The following FOCAD variants were observed in gnomAD, a reference collection of about 807,000 sequenced individuals.
FOCAD encodes KIAA1797.
In FOCAD, 198 loss-of-function variants were observed where a neutral mutation model predicts 225.6. The ratio of observed to expected loss-of-function variants is 0.88; its 90% CI spans 0.78 to 0.99. FOCAD has a LOEUF of 0.99. FOCAD is among the 50% of genes least tolerant of loss of function. FOCAD has a pLI of 0.00. For synonymous variants in FOCAD, 897 were observed against 755.0 expected (o/e 1.19, Z -3.08); for missense variants, 2,713 against 2,123.6 (o/e 1.28, Z -5.46).
At chr9:20,785,166 C>T (rs960959159) in intron 10 of FOCAD, among the ~76,000 whole-genome samples, 2 of 152,138 alleles carry the variant, frequency 1.3e-5, no homozygotes, top group African/African-American at 4.8e-5. Flanking sequence ...TAAGAGTTAA[C>T]TGAGGCATAA....
At chr9:20,736,933 CATA>C (rs1827200604) in intron 4 of FOCAD, among the ~76,000 whole-genome samples, 1 of 151,490 alleles carries the variant, frequency 6.6e-6, no homozygotes, top group South Asian at 2.1e-4. Flanking sequence ...ATTTATTAAA[CATA>C]ATATTTATTA....
At chr9:20,778,638 G>A (rs1320172255) in intron 8 of FOCAD, 43 bp from the exon 9 acceptor site, 2 of 1,067,458 alleles carry the variant, frequency 1.9e-6, no homozygotes, top group Admixed American at 3.5e-5. Flanking sequence ...CATGATTCTG[G>A]GAACTTCTTT....
chr9:20,760,169 G>T (rs1415373844), intron 6 of FOCAD, among the ~76,000 whole-genome samples: 2 of 152,196 alleles, frequency 1.3e-5, no homozygotes, highest in Non-Finnish European at 2.9e-5. Flanking sequence ...AGATCTTACA[G>T]TATCATTCCC....
At chr9:20,970,377 T>C (rs1839663081) in intron 35 of FOCAD, among the ~76,000 whole-genome samples, 1 of 152,124 alleles carries the variant, frequency 6.6e-6, no homozygotes, top group South Asian at 2.1e-4. Flanking sequence ...ACTTTTCGTC[T>C]TTCTTTTTTC....
chr9:20,732,646 G>T (rs1226699219), intron 4 of FOCAD, among the ~76,000 whole-genome samples: 1 of 152,182 alleles, frequency 6.6e-6, no homozygotes, highest in Non-Finnish European at 1.5e-5. Flanking sequence ...TTGGAATGCA[G>T]TATGAAGATT....
chr9:20,811,156 T>C (rs1186558027), intron 11 of FOCAD, among the ~76,000 whole-genome samples: 1 of 152,098 alleles, frequency 6.6e-6, no homozygotes, highest in Non-Finnish European at 1.5e-5. Flanking sequence ...TTAGACATAA[T>C]TTATACTCTA....
At chr9:20,839,422 C>G (rs1411589829) in intron 15 of FOCAD, among the ~76,000 whole-genome samples, 1 of 151,728 alleles carries the variant, frequency 6.6e-6, no homozygotes, top group African/African-American at 2.4e-5. Flanking sequence ...CCGTGCCTGA[C>G]TAATTGTTTT....
At chr9:20,692,250 T>A (rs185142652) in intron 1 of FOCAD, among the ~76,000 whole-genome samples, 45 of 152,258 alleles carry the variant, frequency 3.0e-4, no homozygotes, top group African/African-American at 1.1e-3. Context: ...TAACAGAAAC[T>A]CCATCCTTTT....
rs559628876 is a variant in FOCAD at position 20,670,702 on chromosome 9, C to T, written c.-78+11876C>T. On this transcript the variant is annotated intron_variant, in intron 2 of 45. Transcript: ENST00000380249. ...GGGGTGGGGTGGCCAGGGGACACAG[C>T]GCCAAACCATATCATCTGTATTTTA... Among the ~76,000 whole-genome samples, 121 of 152,152 alleles carry T rather than the reference C, an allele frequency of 8.0e-4. 1 individual carries two copies. The highest frequency in any genetic ancestry group is 1.4e-3 in the Non-Finnish European group (98 of 67,996).
intron 1 of FOCAD, among the ~76,000 whole-genome samples, chr9:20,708,243 T>C (rs991100030): frequency 6.6e-6 from 1 of 152,220 alleles, no homozygotes; most frequent in African/African-American, 2.4e-5. Context: ...AATATTTGTT[T>C]AAAAGTATGG....
chr9:20,888,224 C>T (rs1254434760), intron 21 of FOCAD, among the ~76,000 whole-genome samples: 1 of 150,022 alleles, frequency 6.7e-6, no homozygotes, highest in Non-Finnish European at 1.5e-5. Flanking sequence ...CTACAACCTC[C>T]GCCTCCTGGG....
intron 15 of FOCAD, among the ~76,000 whole-genome samples, chr9:20,833,212 C>A (rs1257013391): frequency 6.6e-6 from 1 of 151,862 alleles, no homozygotes; most frequent in Admixed American, 6.6e-5. Context: ...GAGGTGATAT[C>A]TCATAGTGGT....
chr9:20,994,886 C>T (rs1174707310), intron 43 of FOCAD, among the ~76,000 whole-genome samples: 2 of 152,064 alleles, frequency 1.3e-5, no homozygotes, highest in African/African-American at 4.8e-5. Context: ...GATTCACATA[C>T]AATAATTGTG....
At chr9:20,670,365 A>G (rs1470799838) in intron 2 of FOCAD, among the ~76,000 whole-genome samples, 1 of 152,224 alleles carries the variant, frequency 6.6e-6, no homozygotes, top group South Asian at 2.1e-4. Context: ...TGTTATAAAG[A>G]TACCACCTGA....
chr9:20,954,121 A>G (rs1837927486), intron 35 of FOCAD, among the ~76,000 whole-genome samples: 1 of 152,178 alleles, frequency 6.6e-6, no homozygotes, highest in Non-Finnish European at 1.5e-5. Flanking sequence ...CTGAATTAGC[A>G]TGATTTACTT....
intron 28 of FOCAD, among the ~76,000 whole-genome samples, chr9:20,938,769 T>G (rs1027763855): frequency 2.6e-4 from 39 of 152,030 alleles, no homozygotes; most frequent in Admixed American, 1.6e-3. Flanking sequence ...AAAAAGATTA[T>G]CTTACCAATT....
chr9:20,751,767 C>G (rs979219203), intron 5 of FOCAD, among the ~76,000 whole-genome samples: 41 of 148,434 alleles, frequency 2.8e-4, no homozygotes, highest in African/African-American at 9.8e-4. Flanking sequence ...AGTTTACAGT[C>G]CCACCAACAG....
intron 42 of FOCAD, among the ~76,000 whole-genome samples, chr9:20,992,415 T>A (rs917275393): frequency 2.0e-5 from 3 of 152,180 alleles, no homozygotes; most frequent in Admixed American, 2.0e-4. Flanking sequence ...ATCTGATGTG[T>A]TTTCTATTTA....
At chr9:20,849,440 C>G (rs1443815660) in intron 15 of FOCAD, among the ~76,000 whole-genome samples, 1 of 150,474 alleles carries the variant, frequency 6.6e-6, no homozygotes, top group South Asian at 2.1e-4. Flanking sequence ...CTGGGGTATT[C>G]TAATATAGTC....
Sources: allele counts gnomAD v4.1 joint callset (sites outside exome capture counted in the v4.1 genomes callset), GRCh38; gene constraint gnomAD v4.1.1; transcripts MANE v1.5; gene names NCBI Gene and HGNC (gene_info 2026-07-23, HGNC 2026-07-21).